Variants in RPS6KA2 observed in about 807,000 individuals in gnomAD.
RPS6KA2 encodes the protein ribosomal protein S6 kinase A2.
In RPS6KA2, 42 loss-of-function variants were observed where a neutral mutation model predicts 91.8. The ratio of observed to expected loss-of-function variants is 0.46; its 90% CI spans 0.36 to 0.59. The LOEUF (loss-of-function observed/expected upper bound fraction) is 0.59, where lower values mean the gene tolerates loss of function less well. Ranked by LOEUF, RPS6KA2 falls within the 20% of genes least tolerant of loss-of-function variation. The probability of loss-of-function intolerance (pLI) is 0.00; values close to 1 mark genes in which losing one functional copy is unlikely to be tolerated. For missense variants in RPS6KA2, 798 were observed against 978.5 expected, an observed-to-expected ratio of 0.82 and a Z score of 2.46; for synonymous variants, 414 against 393.6, an observed-to-expected ratio of 1.05 and a Z score of -0.61.
chr6:166,651,826 A>G (rs149849542), intron 2 of RPS6KA2, among the ~76,000 whole-genome samples: 1 of 152,382 alleles, frequency 6.6e-6, no homozygotes, highest in Non-Finnish European at 1.5e-5. Context: ...CATTTGGAGA[A>G]GGATATCACA....
At chr6:166,556,506 G>T (rs758915478) in intron 1 of RPS6KA2, among the ~76,000 whole-genome samples, 1 of 152,212 alleles carries the variant, frequency 6.6e-6, no homozygotes, top group Non-Finnish European at 1.5e-5. Flanking sequence ...AGTGAATTAT[G>T]TGAGTGGGTT....
intron 2 of RPS6KA2, among the ~76,000 whole-genome samples, chr6:166,762,684 CA>C (rs1778209714): frequency 6.6e-6 from 1 of 152,148 alleles, no homozygotes; most frequent in Non-Finnish European, 1.5e-5. Context: ...AATAAATCAA[CA>C]GCTCCACGGA....
At chr6:166,740,636 CAA>C (rs1790786959) in intron 2 of RPS6KA2, among the ~76,000 whole-genome samples, 2 of 152,190 alleles carry the variant, frequency 1.3e-5, no homozygotes, top group South Asian at 4.2e-4. Context: ...CACACATAGA[CAA>C]AGTTAAAGAT....
chr6:166,644,201 G>A (rs920965543), intron 2 of RPS6KA2, among the ~76,000 whole-genome samples: 1 of 152,058 alleles, frequency 6.6e-6, no homozygotes, highest in African/African-American at 2.4e-5. Context: ...CAATAAGTCA[G>A]TAACTCTACA....
intron 2 of RPS6KA2, among the ~76,000 whole-genome samples, chr6:166,757,000 T>A (rs1364737939): frequency 6.6e-6 from 1 of 152,142 alleles, no homozygotes; most frequent in Non-Finnish European, 1.5e-5. Flanking sequence ...AATGTGAATA[T>A]ACTTAATGCC....
intron 2 of RPS6KA2, among the ~76,000 whole-genome samples, chr6:166,826,021 C>A (rs1294282458): frequency 6.6e-6 from 1 of 152,202 alleles, no homozygotes; most frequent in Non-Finnish European, 1.5e-5. Flanking sequence ...GCAAGCACAA[C>A]AATGAGTCAT....
At chr6:166,623,372 G>A (rs970417896) in intron 1 of RPS6KA2, among the ~76,000 whole-genome samples, 1 of 152,258 alleles carries the variant, frequency 6.6e-6, no homozygotes, top group Non-Finnish European at 1.5e-5. Flanking sequence ...GAAAGGTTGA[G>A]TGGGGAGAAG....
chr6:166,478,078 G>C (rs955326271), intron 10 of RPS6KA2, among the ~76,000 whole-genome samples: 3 of 152,316 alleles, frequency 2.0e-5, no homozygotes, highest in African/African-American at 7.2e-5. Context: ...GCCAAGCAGG[G>C]GAGGGGTGCA....
intron 2 of RPS6KA2, among the ~76,000 whole-genome samples, chr6:166,685,578 C>A (rs1173760230): frequency 6.6e-6 from 1 of 152,082 alleles, no homozygotes; most frequent in African/African-American, 2.4e-5. Flanking sequence ...AGTTTCATTC[C>A]CTAGGATTAG....
rs1466645670 is a variant in RPS6KA2, at chr6:166,531,262, T to G, written c.268A>C (p.Met90Leu). 6.2e-7 allele frequency: 1 copy of G among 1,614,180 alleles called. No individual in the cohort carries two copies. Among genetic ancestry groups the G allele is most frequent in the African/African-American group, 1.3e-5 (1 of 75,056 alleles). ...AGGGTGGCTTTCTTAAGGACCTTCA[T>G]GGCGTAGAGCTGCCCAGCGTCGGAC... ...KGSDAGQLYAMKVLKKATLKV... is the reference protein window; with the variant it reads ...KGSDAGQLYALKVLKKATLKV... Residue 90 changes from methionine to leucine, a missense_variant, in exon 3 of 21, where the codon ATG becomes CTG. Met to Leu is a conservative substitution (Grantham distance 15). Transcript: ENST00000265678.
chr6:166,521,191 G>T (rs1047357479), intron 3 of RPS6KA2, among the ~76,000 whole-genome samples: 3 of 152,216 alleles, frequency 2.0e-5, no homozygotes, highest in Non-Finnish European at 4.4e-5. Context: ...GGGTGTGGCT[G>T]CCCTTACCTA....
chr6:166,607,914 G>A (rs1261002389), intron 1 of RPS6KA2, among the ~76,000 whole-genome samples: 1 of 152,074 alleles, frequency 6.6e-6, no homozygotes, highest in Non-Finnish European at 1.5e-5. Context: ...GGAGGCTGAG[G>A]CAGGAGGATC....
At chr6:166,451,724 C>T (rs961546731) in intron 12 of RPS6KA2, among the ~76,000 whole-genome samples, 4 of 152,212 alleles carry the variant, frequency 2.6e-5, no homozygotes, top group Admixed American at 1.3e-4. Context: ...GTGCTGTGCA[C>T]GTGCTCTGCT....
In RPS6KA2 at chr6:166,810,587, T is replaced by C. The variant is rs1179879525; in HGVS notation, c.123+47613A>G. ...CGGTAATCAATGGCATCACCTCCTA[T>C]GATCAGGCTTTGTAAGTTGCCTTTG... On this transcript the variant is annotated intron_variant, in intron 2 of 21. Coordinates refer to the RPS6KA2 transcript ENST00000503859. 2.0e-5 allele frequency among the ~76,000 whole-genome samples: 3 copies of C among 152,342 alleles called. No individual in the cohort carries two copies. In the East Asian group the frequency reaches 5.8e-4, roughly 29 times the overall value.
intron 2 of RPS6KA2, among the ~76,000 whole-genome samples, chr6:166,774,885 T>A (rs1236575521): frequency 6.8e-6 from 1 of 147,824 alleles, no homozygotes; most frequent in Non-Finnish European, 1.5e-5. Flanking sequence ...AGGAGTCGGA[T>A]CCCCAGGTGC....
At chr6:166,791,826 A>G (rs1779098216) in intron 2 of RPS6KA2, among the ~76,000 whole-genome samples, 1 of 151,790 alleles carries the variant, frequency 6.6e-6, no homozygotes, top group South Asian at 2.1e-4. Context: ...ACGAGAACAA[A>G]GACACAACAT....
intron 2 of RPS6KA2, among the ~76,000 whole-genome samples, chr6:166,659,315 A>G (rs1202695134): frequency 6.6e-6 from 1 of 152,136 alleles, no homozygotes; most frequent in Admixed American, 6.5e-5. Context: ...AACTAATTGC[A>G]CTAACAGTCT....
chr6:166,674,581 T>A (rs1322384397), intron 2 of RPS6KA2, among the ~76,000 whole-genome samples: 1 of 152,208 alleles, frequency 6.6e-6, no homozygotes, highest in Non-Finnish European at 1.5e-5. Context: ...AAGGAATGTG[T>A]TCAGAAGCTG....
intron 2 of RPS6KA2, among the ~76,000 whole-genome samples, chr6:166,829,765 C>A (rs1780136684): frequency 6.6e-6 from 1 of 151,958 alleles, no homozygotes; most frequent in Admixed American, 6.6e-5. Flanking sequence ...AGTGGAAGAA[C>A]AAAATGTGAT....
Sources: allele counts gnomAD v4.1 joint callset (sites outside exome capture counted in the v4.1 genomes callset), GRCh38; gene constraint gnomAD v4.1.1; transcripts MANE v1.5; gene names NCBI Gene and HGNC (gene_info 2026-07-23, HGNC 2026-07-21).